The following TENM3 variants were observed in gnomAD, a reference collection of about 807,000 sequenced individuals.
The protein encoded by TENM3 is teneurin transmembrane protein 3.
In TENM3, 63 loss-of-function variants were observed where a neutral mutation model predicts 255.1. The observed-to-expected ratio is 0.25, with a 90% CI of 0.20 to 0.30. The LOEUF is 0.30. TENM3 is among the 10% of genes least tolerant of loss of function. The pLI is 1.00. For missense variants in TENM3, 2,929 were observed against 3,461.1 expected, an observed-to-expected ratio of 0.85 and a Z score of 3.86; for synonymous variants, 1,306 against 1,322.3, an observed-to-expected ratio of 0.99 and a Z score of 0.27.
At chr4:181,793,133 T>C in the TENM3 span, among the ~76,000 whole-genome samples, 1 of 152,176 alleles carries the variant, frequency 6.6e-6, no homozygotes, top group African/African-American at 2.4e-5. Flanking sequence ...CTTTGAAGCT[T>C]GGTAGCAGGA....
At chr4:181,788,453 C>T in the TENM3 span, among the ~76,000 whole-genome samples, 1 of 152,140 alleles carries the variant, frequency 6.6e-6, no homozygotes, top group Non-Finnish European at 1.5e-5. Context: ...GATAGGTTCC[C>T]ATTAATACTC....
intron 13 of TENM3, among the ~76,000 whole-genome samples, chr4:182,727,556 C>G (rs1760317532): frequency 1.3e-5 from 2 of 152,004 alleles, no homozygotes; most frequent in Admixed American, 1.3e-4. Flanking sequence ...CACTCAACCA[C>G]TAATGGATGG....
the TENM3 span, among the ~76,000 whole-genome samples, chr4:181,737,377 A>C: frequency 6.6e-6 from 1 of 152,170 alleles, no homozygotes; most frequent in East Asian, 1.9e-4. Context: ...CTTTTGGCTA[A>C]AAGTACAAAA....
At chr4:181,772,556 G>A in the TENM3 span, among the ~76,000 whole-genome samples, 2 of 152,232 alleles carry the variant, frequency 1.3e-5, no homozygotes, top group East Asian at 1.9e-4. Flanking sequence ...CTAAAATGCA[G>A]AAGCAACTTC....
the TENM3 span, among the ~76,000 whole-genome samples, chr4:182,095,496 A>T: frequency 6.6e-6 from 1 of 152,168 alleles, no homozygotes; most frequent in South Asian, 2.1e-4. Flanking sequence ...TAAAAATTTG[A>T]CCTCATAGAG....
intron 1 of TENM3, among the ~76,000 whole-genome samples, chr4:182,301,061 G>A (rs1761821860): frequency 6.6e-6 from 1 of 152,144 alleles, no homozygotes; most frequent in South Asian, 2.1e-4. Flanking sequence ...AGAATGAAGA[G>A]GACTGCATCT....
the TENM3 span, among the ~76,000 whole-genome samples, chr4:181,916,520 A>G: frequency 8.7e-4 from 132 of 152,274 alleles, 1 homozygote; most frequent in African/African-American, 2.9e-3. Context: ...TGAGACATCT[A>G]GTAAAAGGGT....
the TENM3 span, among the ~76,000 whole-genome samples, chr4:181,639,875 A>G: frequency 6.6e-6 from 1 of 152,192 alleles, no homozygotes; most frequent in Admixed American, 6.5e-5. Context: ...CCTGCCAGTA[A>G]GGCTGAGGGC....
chr4:182,635,593 CG>C (rs1561037143), intron 5 of TENM3, among the ~76,000 whole-genome samples: 1 of 152,038 alleles, frequency 6.6e-6, no homozygotes. Context: ...TATAGCAAAC[CG>C]GAGAACTACT....
intron 1 of TENM3, among the ~76,000 whole-genome samples, chr4:182,251,466 T>TCAAAA (rs1439437949): frequency 2.0e-5 from 3 of 152,238 alleles, no homozygotes. Context: ...AGACCCTGTC[T>TCAAAA]CAAAACAAAA....
chr4:181,640,240 A>C, the TENM3 span, among the ~76,000 whole-genome samples: 1 of 152,172 alleles, frequency 6.6e-6, no homozygotes, highest in Non-Finnish European at 1.5e-5. Flanking sequence ...TGGGGATAGA[A>C]TGCAGTAATC....
intron 3 of TENM3, among the ~76,000 whole-genome samples, chr4:182,362,416 C>T (rs1389158525): frequency 1.3e-5 from 2 of 151,906 alleles, no homozygotes; most frequent in African/African-American, 2.4e-5. Flanking sequence ...CTAAGCAAGC[C>T]TGGGCAATGG....
chr4:182,686,232 A>G (rs967901272), intron 11 of TENM3, among the ~76,000 whole-genome samples: 1 of 152,068 alleles, frequency 6.6e-6, no homozygotes, highest in African/African-American at 2.4e-5. Flanking sequence ...TAAGTATAGA[A>G]AAAATCTTTA....
chr4:181,719,196 G>C, the TENM3 span, among the ~76,000 whole-genome samples: 1 of 145,440 alleles, frequency 6.9e-6, no homozygotes, highest in African/African-American at 2.4e-5. Flanking sequence ...CTGGGCGACA[G>C]AGCGAGACTC....
intron 19 of TENM3, among the ~76,000 whole-genome samples, chr4:182,748,165 G>T (rs1053372474): frequency 2.0e-5 from 3 of 152,178 alleles, no homozygotes; most frequent in African/African-American, 7.2e-5. Flanking sequence ...GGCAATTCAG[G>T]ATGAGTTAAG....
At chr4:181,914,927 A>G in the TENM3 span, among the ~76,000 whole-genome samples, 1 of 152,188 alleles carries the variant, frequency 6.6e-6, no homozygotes, top group Non-Finnish European at 1.5e-5. Context: ...CTCATTATGT[A>G]GCATTACAAG....
intron 3 of TENM3, among the ~76,000 whole-genome samples, chr4:182,518,079 C>T (rs1333892879): frequency 6.6e-6 from 1 of 152,034 alleles, no homozygotes; most frequent in East Asian, 1.9e-4. Flanking sequence ...TTTCTGAAGC[C>T]TTGGAAGCCT....
At chr4:182,650,184 A>G (rs933632892) in intron 5 of TENM3, among the ~76,000 whole-genome samples, 2 of 150,338 alleles carry the variant, frequency 1.3e-5, no homozygotes, top group Non-Finnish European at 3.0e-5. Context: ...TTGCATCATG[A>G]TGTTCTACCA....
chr4:181,453,448 T>C, the TENM3 span, among the ~76,000 whole-genome samples: 1 of 151,998 alleles, frequency 6.6e-6, no homozygotes, highest in Non-Finnish European at 1.5e-5. Context: ...TCACTAAGAA[T>C]GTGGATATGA....
Sources: allele counts gnomAD v4.1 joint callset (sites outside exome capture counted in the v4.1 genomes callset), GRCh38; gene constraint gnomAD v4.1.1; transcripts MANE v1.5; gene names NCBI Gene and HGNC (gene_info 2026-07-23, HGNC 2026-07-21).